DPP10: variants seen among roughly 807,000 people sequenced by gnomAD.
The protein encoded by DPP10 is inactive dipeptidyl peptidase 10.
In DPP10, 33 loss-of-function variants were observed where a neutral mutation model predicts 120.9. The ratio of observed to expected loss-of-function variants is 0.27; its 90% CI spans 0.21 to 0.37. The LOEUF (loss-of-function observed/expected upper bound fraction) is 0.37, where lower values mean the gene tolerates loss of function less well. Among genes scored for constraint, DPP10 ranks in the 10% least tolerant of loss-of-function variants. The probability of loss-of-function intolerance (pLI) is 1.00; values close to 1 mark genes in which losing one functional copy is unlikely to be tolerated. For synonymous variants in DPP10, 337 were observed against 326.1 expected (o/e 1.03, Z -0.36); for missense variants, 816 against 942.8 (o/e 0.87, Z 1.76).
intron 1 of DPP10, among the ~76,000 whole-genome samples, chr2:115,018,412 T>A (rs539419653): frequency 1.3e-5 from 2 of 152,306 alleles, no homozygotes; most frequent in East Asian, 3.9e-4. Flanking sequence ...TGCACACATA[T>A]GTTTATTGTG....
intron 1 of DPP10, among the ~76,000 whole-genome samples, chr2:114,509,978 T>A (rs1226720995): frequency 1.3e-5 from 2 of 152,290 alleles, no homozygotes; most frequent in African/African-American, 2.4e-5. Flanking sequence ...TATGAGTGAA[T>A]CGTGGTGGGA....
intron 1 of DPP10, among the ~76,000 whole-genome samples, chr2:114,689,477 C>T (rs1024048912): frequency 1.3e-5 from 2 of 152,064 alleles, no homozygotes; most frequent in African/African-American, 4.8e-5. Flanking sequence ...CTTATTCAAT[C>T]TATCATTGAT....
intron 1 of DPP10, among the ~76,000 whole-genome samples, chr2:115,221,236 G>A (rs2105417594): frequency 6.6e-6 from 1 of 152,212 alleles, no homozygotes; most frequent in South Asian, 2.1e-4. Flanking sequence ...TCATATTCAT[G>A]CATAGATGTA....
intron 1 of DPP10, among the ~76,000 whole-genome samples, chr2:114,459,437 A>T (rs1214908957): frequency 2.0e-5 from 3 of 152,200 alleles, no homozygotes. Flanking sequence ...GTTTAGAAAG[A>T]TCTGTACAAG....
At chr2:115,041,921 C>A (rs538709041) in intron 1 of DPP10, among the ~76,000 whole-genome samples, 2 of 150,330 alleles carry the variant, frequency 1.3e-5, no homozygotes, top group East Asian at 3.9e-4. Context: ...ATAGGCCATT[C>A]TGTTGGTTGT....
At chr2:115,543,406 CTGG>C (rs1243487943) in intron 5 of DPP10, among the ~76,000 whole-genome samples, 1 of 152,054 alleles carries the variant, frequency 6.6e-6, no homozygotes, top group Admixed American at 6.6e-5. Flanking sequence ...CTGAATTGAA[CTGG>C]TGCTTGGGGG....
chr2:114,505,502 G>A (rs547081650), intron 1 of DPP10, among the ~76,000 whole-genome samples: 1 of 151,858 alleles, frequency 6.6e-6, no homozygotes, highest in East Asian at 1.9e-4. Context: ...GCAAAGGGGA[G>A]GTCAGAGACC....
intron 7 of DPP10, among the ~76,000 whole-genome samples, chr2:115,692,137 G>A (rs2091352121): frequency 6.6e-6 from 1 of 151,866 alleles, no homozygotes; most frequent in Admixed American, 6.6e-5. Flanking sequence ...TAGGTATGGT[G>A]GGGTTTTTTG....
At chr2:115,343,575 G>A (rs945998513) in intron 2 of DPP10, among the ~76,000 whole-genome samples, 3 of 152,072 alleles carry the variant, frequency 2.0e-5, no homozygotes, top group Admixed American at 6.6e-5. Flanking sequence ...TTACTAATAC[G>A]TAACATGGGA....
chr2:115,284,665 T>A (rs1032320595), intron 1 of DPP10, among the ~76,000 whole-genome samples: 2 of 151,970 alleles, frequency 1.3e-5, no homozygotes, highest in Non-Finnish European at 2.9e-5. Context: ...AGAGAGATGC[T>A]ACTGAATTGG....
chr2:114,971,918 C>T (rs1462409811), intron 1 of DPP10, among the ~76,000 whole-genome samples: 1 of 152,120 alleles, frequency 6.6e-6, no homozygotes, highest in Non-Finnish European at 1.5e-5. Context: ...ACCAAGGCAC[C>T]CCCAGGACTC....
chr2:115,544,043 A>T (rs1460793580), intron 5 of DPP10, among the ~76,000 whole-genome samples: 1 of 146,334 alleles, frequency 6.8e-6, no homozygotes, highest in Non-Finnish European at 1.5e-5. Flanking sequence ...ATAATTAAAG[A>T]AAAAAAAAAA....
At chr2:114,466,002 T>C (rs1046362784) in intron 1 of DPP10, among the ~76,000 whole-genome samples, 2 of 152,176 alleles carry the variant, frequency 1.3e-5, no homozygotes, top group Non-Finnish European at 2.9e-5. Flanking sequence ...CCCCCACCCC[T>C]ACCTGCCTCT....
rs1000300959 is a variant in DPP10, at chr2:115,141,603, C to T, written c.61-167636C>T. ...CATAAATACTTGTTAATAACTTGTT[C>T]GACTGCATTATGTCTAGACAAGAAT... On this transcript the variant is annotated intron_variant, in intron 1 of 25. Transcript: ENST00000410059. Among the ~76,000 whole-genome samples the T allele has an allele frequency of 1.1e-4, 16 of 152,220 alleles. No individual in the cohort carries two copies. In the South Asian group the frequency reaches 1.2e-3, roughly 12 times the overall value.
At chr2:115,524,738 C>T (rs1289548574) in intron 4 of DPP10, among the ~76,000 whole-genome samples, 2 of 152,096 alleles carry the variant, frequency 1.3e-5, no homozygotes, top group African/African-American at 4.8e-5. Context: ...ACAAAGAGTC[C>T]TCTGATGTTG....
chr2:114,787,895 A>G (rs1476195116), intron 1 of DPP10, among the ~76,000 whole-genome samples: 1 of 152,240 alleles, frequency 6.6e-6, no homozygotes, highest in Admixed American at 6.5e-5. Context: ...AGTTTAATTG[A>G]GTATAGGATA....
At chr2:115,695,901 A>G (rs2091558753) in intron 7 of DPP10, among the ~76,000 whole-genome samples, 1 of 152,174 alleles carries the variant, frequency 6.6e-6, no homozygotes, top group Non-Finnish European at 1.5e-5. Flanking sequence ...CAGTGGAGAG[A>G]GAGAGAGTAA....
At chr2:114,553,773 G>GA (rs778883653) in intron 1 of DPP10, among the ~76,000 whole-genome samples, 8 of 150,704 alleles carry the variant, frequency 5.3e-5, no homozygotes, top group African/African-American at 7.3e-5. Flanking sequence ...GTTTGTTCAA[G>GA]AAAAAAAAAT....
At chr2:114,838,851 T>G (rs1258067706) in intron 1 of DPP10, among the ~76,000 whole-genome samples, 1 of 152,164 alleles carries the variant, frequency 6.6e-6, no homozygotes, top group East Asian at 1.9e-4. Context: ...TGGATTGGAT[T>G]GACTATTCTT....
Sources: allele counts gnomAD v4.1 joint callset (sites outside exome capture counted in the v4.1 genomes callset), GRCh38; gene constraint gnomAD v4.1.1; transcripts MANE v1.5; gene names NCBI Gene and HGNC (gene_info 2026-07-23, HGNC 2026-07-21).